CNTNAP2: variants seen among roughly 807,000 people sequenced by gnomAD.
The protein encoded by CNTNAP2 is contactin-associated protein-like 2.
A neutral mutation model predicts 155.2 loss-of-function variants in CNTNAP2; 98 were observed. The ratio of observed to expected loss-of-function variants is 0.63; its 90% CI spans 0.54 to 0.75. The LOEUF is 0.75. Ranked by LOEUF, CNTNAP2 falls within the 30% of genes least tolerant of loss-of-function variation. The pLI is 0.00. For synonymous variants in CNTNAP2, 651 were observed against 631.2 expected, an observed-to-expected ratio of 1.03 and a Z score of -0.47; for missense variants, 1,727 against 1,688.1, an observed-to-expected ratio of 1.02 and a Z score of -0.40.
intron 1 of CNTNAP2, among the ~76,000 whole-genome samples, chr7:146,404,321 C>T (rs1335182986): frequency 6.6e-6 from 1 of 152,082 alleles, no homozygotes; most frequent in African/African-American, 2.4e-5. Flanking sequence ...ATGGGCACAT[C>T]CAGGTTACCC....
intron 3 of CNTNAP2, among the ~76,000 whole-genome samples, chr7:146,895,155 G>T (rs1795848965): frequency 6.6e-6 from 1 of 150,726 alleles, no homozygotes; most frequent in Non-Finnish European, 1.5e-5. Context: ...TTATCTAGGT[G>T]TTTTAATCCC....
intron 10 of CNTNAP2, among the ~76,000 whole-genome samples, chr7:147,443,869 G>T (rs1200049075): frequency 6.6e-6 from 1 of 152,214 alleles, no homozygotes; most frequent in Non-Finnish European, 1.5e-5. Context: ...CAAAGCAACT[G>T]GCTGTGATTC....
intron 13 of CNTNAP2, among the ~76,000 whole-genome samples, chr7:147,666,237 T>G (rs1016225547): frequency 2.0e-5 from 3 of 152,200 alleles, no homozygotes; most frequent in African/African-American, 7.2e-5. Context: ...TTCCTTTGTT[T>G]GTGCTTTCAA....
intron 18 of CNTNAP2, among the ~76,000 whole-genome samples, chr7:148,180,650 C>T (rs1205895335): frequency 6.6e-6 from 1 of 152,152 alleles, no homozygotes. Context: ...GACCCAGGGC[C>T]TATATACCAT....
At chr7:146,149,418 G>A (rs1024435702) in intron 1 of CNTNAP2, among the ~76,000 whole-genome samples, 1 of 152,074 alleles carries the variant, frequency 6.6e-6, no homozygotes, top group Non-Finnish European at 1.5e-5. Flanking sequence ...ATTGCAGCTT[G>A]TATCAGAAGC....
intron 1 of CNTNAP2, chr7:146,117,409 A>G (rs1051179391): frequency 2.5e-5 from 4 of 159,514 alleles, no homozygotes; most frequent in African/African-American, 9.6e-5. Context: ...CAAGAGGAGC[A>G]TGTTTTAAAC....
intron 1 of CNTNAP2, among the ~76,000 whole-genome samples, chr7:146,281,732 T>C (rs890582198): frequency 6.6e-6 from 1 of 151,628 alleles, no homozygotes; most frequent in Non-Finnish European, 1.5e-5. Context: ...GAGGTGGAGG[T>C]TGCAGTGAGC....
intron 5 of CNTNAP2, among the ~76,000 whole-genome samples, chr7:147,113,446 A>G (rs959210019): frequency 8.6e-5 from 13 of 151,948 alleles, no homozygotes; most frequent in African/African-American, 3.1e-4. Context: ...GATTTATTAA[A>G]AAAAAAAAAG....
chr7:146,340,202 G>A (rs866128902), intron 1 of CNTNAP2, among the ~76,000 whole-genome samples: 2 of 147,988 alleles, frequency 1.4e-5, no homozygotes, highest in African/African-American at 2.5e-5. Flanking sequence ...GAAATACATA[G>A]GGTTGAAGAG....
chr7:146,459,979 A>G (rs1286721404), intron 1 of CNTNAP2, among the ~76,000 whole-genome samples: 7 of 152,092 alleles, frequency 4.6e-5, no homozygotes, highest in Non-Finnish European at 7.4e-5. Context: ...CAAACAAAAA[A>G]CAAAACAAAA....
At chr7:147,238,257 C>G (rs1210388592) in intron 8 of CNTNAP2, among the ~76,000 whole-genome samples, 1 of 152,114 alleles carries the variant, frequency 6.6e-6, no homozygotes, top group Non-Finnish European at 1.5e-5. Flanking sequence ...CCTCGTGATC[C>G]GCCCACCTCG....
intron 3 of CNTNAP2, among the ~76,000 whole-genome samples, chr7:147,018,478 A>T (rs988691206): frequency 3.3e-5 from 5 of 152,044 alleles, no homozygotes; most frequent in African/African-American, 1.2e-4. Flanking sequence ...TAACTGGATG[A>T]CTGGTTTGGA....
At chr7:146,700,840 T>C (rs1048464744) in intron 1 of CNTNAP2, among the ~76,000 whole-genome samples, 12 of 152,072 alleles carry the variant, frequency 7.9e-5, no homozygotes, top group African/African-American at 2.9e-4. Context: ...TGTAACACAA[T>C]GCAAAACTGA....
chr7:148,281,410 GT>G (rs1229563292), intron 21 of CNTNAP2, among the ~76,000 whole-genome samples: 1 of 152,192 alleles, frequency 6.6e-6, no homozygotes, highest in African/African-American at 2.4e-5. Context: ...TTTCTGGTCA[GT>G]TGCCTTTGCG....
At chr7:147,040,830 C>G (rs1485197316) in intron 3 of CNTNAP2, among the ~76,000 whole-genome samples, 1 of 152,104 alleles carries the variant, frequency 6.6e-6, no homozygotes, top group African/African-American at 2.4e-5. Flanking sequence ...GAAGAGGTTG[C>G]TGAGCAGTCG....
chr7:146,246,561 A>G (rs13220937), intron 1 of CNTNAP2, among the ~76,000 whole-genome samples: 16,297 of 149,052 alleles, frequency 0.11, 938 homozygotes, highest in Middle Eastern at 0.16. Flanking sequence ...AAGGGGACAG[A>G]CTTACCCTCC....
chr7:147,839,691 A>G (rs1798694897), intron 13 of CNTNAP2, among the ~76,000 whole-genome samples: 1 of 152,162 alleles, frequency 6.6e-6, no homozygotes, highest in Non-Finnish European at 1.5e-5. Context: ...AGATTTCTCA[A>G]TGAACTGAAA....
At chr7:147,748,960 A>G (rs1584936089) in intron 13 of CNTNAP2, among the ~76,000 whole-genome samples, 1 of 152,222 alleles carries the variant, frequency 6.6e-6, no homozygotes, top group South Asian at 2.1e-4. Context: ...TACGTGGTTT[A>G]TAGGACTGAC....
chr7:147,204,675 G>T (rs1243079876), intron 8 of CNTNAP2, among the ~76,000 whole-genome samples: 3 of 152,090 alleles, frequency 2.0e-5, no homozygotes, highest in African/African-American at 7.2e-5. Flanking sequence ...GTAATGTAAT[G>T]TATCAATATT....
Sources: allele counts gnomAD v4.1 joint callset (sites outside exome capture counted in the v4.1 genomes callset), GRCh38; gene constraint gnomAD v4.1.1; transcripts MANE v1.5; gene names NCBI Gene and HGNC (gene_info 2026-07-23, HGNC 2026-07-21).